CCDC141: variants seen among roughly 807,000 people sequenced by gnomAD.
CCDC141 encodes the protein coiled-coil domain containing 141.
In CCDC141, 168 loss-of-function variants were observed where a neutral mutation model predicts 181.0. The observed-to-expected ratio is 0.93, with a 90% CI of 0.82 to 1.05. CCDC141 has a LOEUF of 1.05. Ranked by LOEUF, CCDC141 falls within the 50% of genes least tolerant of loss-of-function variation. CCDC141 has a pLI of 0.00. For missense variants in CCDC141, 1,902 were observed against 1,788.5 expected (o/e 1.06, Z -1.14); for synonymous variants, 666 against 642.3 (o/e 1.04, Z -0.56).
At chr2:178,989,645 A>T (rs1039532249) in intron 2 of CCDC141, among the ~76,000 whole-genome samples, 2 of 134,034 alleles carry the variant, frequency 1.5e-5, no homozygotes, top group South Asian at 2.4e-4. Context: ...AATAAATAAA[A>T]CAATAGAAAG....
At chr2:178,841,881 C>T (rs1684738799) in intron 22 of CCDC141, among the ~76,000 whole-genome samples, 1 of 152,230 alleles carries the variant, frequency 6.6e-6, no homozygotes, top group Non-Finnish European at 1.5e-5. Flanking sequence ...GATCTACCCG[C>T]CTTGGCCTCC....
intron 7 of CCDC141, among the ~76,000 whole-genome samples, chr2:178,909,265 A>C (rs1688117769): frequency 6.6e-6 from 1 of 152,260 alleles, no homozygotes; most frequent in Admixed American, 6.5e-5. Context: ...TGAGAATCAA[A>C]ATAGTCAAAT....
At chr2:178,936,349 G>T (rs762170967) in intron 6 of CCDC141, among the ~76,000 whole-genome samples, 6 of 152,098 alleles carry the variant, frequency 3.9e-5, no homozygotes, top group Admixed American at 2.0e-4. Context: ...TTATTGAATA[G>T]GGAGTCTTTA....
chr2:178,874,449 A>G (rs1292132503), intron 12 of CCDC141: 1 of 152,244 alleles, frequency 6.6e-6, no homozygotes, highest in Non-Finnish European at 1.5e-5. Flanking sequence ...TTATTTAGAT[A>G]TAGATACAAA....
intron 2 of CCDC141, among the ~76,000 whole-genome samples, chr2:179,000,263 T>C (rs994684205): frequency 6.6e-6 from 1 of 152,150 alleles, no homozygotes; most frequent in Non-Finnish European, 1.5e-5. Context: ...ATATAATAAT[T>C]ATATGAAACT....
chr2:178,877,979 A>G lies in CCDC141; in HGVS notation c.1884T>C (p.Leu628=). 1 of 1,613,426 alleles carries G rather than the reference A, an allele frequency of 6.2e-7. No homozygotes were observed. The highest frequency in any genetic ancestry group is 8.5e-7 in the Non-Finnish European group (1 of 1,179,476). Residue 628 remains leucine, a synonymous_variant, in exon 12 of 24, where the codon CTT becomes CTC. Coordinates refer to ENST00000443758, the MANE Select transcript of CCDC141 (RefSeq NM_173648.4). ...CCATTCTTACCATATTTATTAAATT[A>G]AGGAACTCAAGCCCTAGATCTTGTG... The part of the protein sequence containing the change: ...FITQDLGLEF[L]NLINMAKENE...
intron 23 of CCDC141, among the ~76,000 whole-genome samples, chr2:178,835,282 AT>A (rs1269482351): frequency 6.6e-6 from 1 of 152,132 alleles, no homozygotes; most frequent in South Asian, 2.1e-4. Flanking sequence ...ACTTCATTTA[AT>A]TTTTTTGAAG....
chr2:179,029,954 T>A (rs2042956268), intron 2 of CCDC141, among the ~76,000 whole-genome samples: 1 of 152,148 alleles, frequency 6.6e-6, no homozygotes. Context: ...TGCTTAGTCC[T>A]GGAGAACAGG....
At chr2:178,989,242 A>G (rs1186929975) in intron 2 of CCDC141, among the ~76,000 whole-genome samples, 3 of 152,160 alleles carry the variant, frequency 2.0e-5, no homozygotes, top group African/African-American at 7.2e-5. Context: ...AATGTTTGCA[A>G]ATGATATATC....
At chr2:179,015,603 A>ATATATCTCATG (rs2042489819) in intron 2 of CCDC141, among the ~76,000 whole-genome samples, 1 of 63,952 alleles carries the variant, frequency 1.6e-5, no homozygotes, top group Non-Finnish European at 3.9e-5. Flanking sequence ...TGTATCTCAT[A>ATATATCTCATG]TATCTCATAT....
the CCDC141 span, among the ~76,000 whole-genome samples, chr2:178,822,266 G>A: frequency 3.3e-5 from 5 of 151,758 alleles, no homozygotes; most frequent in African/African-American, 1.2e-4. Context: ...GTGGGGTGGG[G>A]GGAGTGGGGA....
chr2:178,850,193 A>T (rs753210772), intron 20 of CCDC141, 32 bp from the exon 21 acceptor site: 11 of 1,207,564 alleles, frequency 9.1e-6, no homozygotes, highest in Non-Finnish European at 1.2e-6. Flanking sequence ...CTAGTTTTAA[A>T]GGTCAAATTT....
chr2:178,974,290 C>T (rs555223866), intron 4 of CCDC141, among the ~76,000 whole-genome samples: 2 of 152,130 alleles, frequency 1.3e-5, no homozygotes, highest in African/African-American at 4.8e-5. Flanking sequence ...ATTCAAGAAA[C>T]CTTTCTATCC....
chr2:179,031,204 GTT>G (rs3045788), intron 2 of CCDC141, among the ~76,000 whole-genome samples: 71,844 of 147,998 alleles, frequency 0.49, 20,451 homozygotes, highest in Non-Finnish European at 0.64. Flanking sequence ...ATTTTCACTT[GTT>G]TTTTTTTTTC....
At chr2:178,971,036 C>T (rs1323589589) in intron 4 of CCDC141, among the ~76,000 whole-genome samples, 1 of 152,068 alleles carries the variant, frequency 6.6e-6, no homozygotes, top group African/African-American at 2.4e-5. Context: ...GGTGAAACTC[C>T]ATCTCTACTA....
At chr2:178,889,507 C>A (rs1170026527) in intron 8 of CCDC141, among the ~76,000 whole-genome samples, 1 of 152,116 alleles carries the variant, frequency 6.6e-6, no homozygotes, top group Admixed American at 6.6e-5. Context: ...AACATGATAA[C>A]CCTTAAATTT....
At chr2:178,900,351 C>A (rs1687625930) in intron 8 of CCDC141, among the ~76,000 whole-genome samples, 1 of 151,986 alleles carries the variant, frequency 6.6e-6, no homozygotes, top group African/African-American at 2.4e-5. Flanking sequence ...GAAAAGAAAA[C>A]TGGTATGGAT....
Position 178,837,575 on chromosome 2 carries a change from G to C in CCDC141, c.3644C>G (p.Ser1215Cys), listed in dbSNP as rs759967462. The stretch of plus-strand genomic sequence containing the variant: ...AGGGCTTCCTGGGAGAGGAGGCAAG[G>C]AGATGTCATCAGGTGAGACACACTC... Reference protein sequence around the residue: ...EYECVSPDDISLPPLPGSPES... With the variant: ...EYECVSPDDICLPPLPGSPES... The change falls in exon 23 of 24, where the codon TCC (serine) becomes TGC (cysteine). Residue 1215 changes from serine (S) to cysteine (C), a missense_variant. Physicochemically the swap from Ser to Cys is moderately radical, Grantham distance 112 (BLOSUM62 -1). Transcript: ENST00000443758. The C allele has an allele frequency of 6.2e-7, 1 of 1,613,886 alleles. No homozygotes were observed. The highest frequency in any genetic ancestry group is 8.5e-7 in the Non-Finnish European group (1 of 1,179,896).
chr2:179,000,822 T>A (rs1415381052), intron 2 of CCDC141, among the ~76,000 whole-genome samples: 1 of 152,214 alleles, frequency 6.6e-6, no homozygotes, highest in East Asian at 1.9e-4. Context: ...CAAGGCTTGA[T>A]GCAATTGCTA....
Sources: allele counts gnomAD v4.1 joint callset (sites outside exome capture counted in the v4.1 genomes callset), GRCh38; gene constraint gnomAD v4.1.1; transcripts MANE v1.5; gene names NCBI Gene and HGNC (gene_info 2026-07-23, HGNC 2026-07-21).